The following USP20 variants were observed in gnomAD, a reference collection of about 807,000 sequenced individuals.
The protein encoded by USP20 is ubiquitin carboxyl-terminal hydrolase 20.
USP20 carries 80 observed loss-of-function variants against 124.2 expected under a neutral mutation model. That is an observed-to-expected ratio of 0.64 (90% CI 0.54 to 0.78). The LOEUF is 0.78. Among genes scored for constraint, USP20 ranks in the 30% least tolerant of loss-of-function variants. The pLI is 0.00. For missense variants in USP20, 1,043 were observed against 1,244.4 expected (o/e 0.84, Z 2.44); for synonymous variants, 481 against 512.3 (o/e 0.94, Z 0.83).
chr9:129,840,959 C>T (rs1294277977), intron 1 of USP20, among the ~76,000 whole-genome samples: 3 of 151,946 alleles, frequency 2.0e-5, no homozygotes, highest in South Asian at 2.1e-4. Flanking sequence ...TTAGTAGAGA[C>T]GGGGTTTCAC....
chr9:129,877,655 G>A (rs183424442), intron 22 of USP20, among the ~76,000 whole-genome samples: 57 of 152,056 alleles, frequency 3.7e-4, no homozygotes, highest in Non-Finnish European at 6.2e-4. Flanking sequence ...CCATGATTGC[G>A]CCGCTGCACT....
intron 7 of USP20, 29 bp downstream of exon 7, chr9:129,861,062 A>T (rs41279146): frequency 0.017 from 27,312 of 1,606,572 alleles, 300 homozygotes; most frequent in East Asian, 0.024. Flanking sequence ...GGGGAAGCTG[A>T]TGGGCTGGGC....
Position 129,839,625 on chromosome 9 carries a change from G to A in USP20, c.-129+4126G>A, listed in dbSNP as rs78948252. ...AGGGGGTGGGCACACACCCTGTGCG[G>A]GGCTGGGGGTGTGAGATGGCTAATG... On this transcript the variant is annotated intron_variant, in intron 1 of 25. Coordinates refer to ENST00000372429, the MANE Select transcript of USP20 (RefSeq NM_001110303.4). The surrounding 1 kb of genome is among the most constrained non-coding windows in gnomAD (Gnocchi z 4.5). Among the ~76,000 whole-genome samples, 782 of 152,196 alleles carry A rather than the reference G, an allele frequency of 5.1e-3. 6 individuals carry two copies. The highest frequency in any genetic ancestry group is 0.02 in the East Asian group (104 of 5,184).
chr9:129,869,960 G>A, intron 14 of USP20, 116 bp downstream of exon 14: 4 of 1,301,868 alleles, frequency 3.1e-6, no homozygotes, highest in Non-Finnish European at 4.3e-6. Context: ...GGTCCTGGGA[G>A]GAGCTGGGGG....
At chr9:129,851,310 A>T (rs1267945102) in intron 2 of USP20, among the ~76,000 whole-genome samples, 1 of 136,562 alleles carries the variant, frequency 7.3e-6, no homozygotes, top group African/African-American at 2.9e-5. Flanking sequence ...CCCAGGCTGG[A>T]GTGCAGTGGC....
In USP20 at chr9:129,852,004, G is replaced by T. The variant is rs2032947262; in HGVS notation, c.-16-536G>T. Reference sequence around the variant, plus strand: ...GGTGTTCAAACCTCACTCCGCAGGGGGCTCCCACAAGACGTGGGATAAGTG... The same window carrying T: ...GGTGTTCAAACCTCACTCCGCAGGGTGCTCCCACAAGACGTGGGATAAGTG... On this transcript the variant is annotated intron_variant, in intron 2 of 25. Transcript: ENST00000372429. Among the ~76,000 whole-genome samples, 7 of 152,278 alleles carry T rather than the reference G, an allele frequency of 4.6e-5. 1 individual carries two copies. In the South Asian group the frequency reaches 1.4e-3, roughly 32 times the overall value.
In USP20 at chr9:129,874,786, C is replaced by T. The variant is rs1228598559; in HGVS notation, c.1921+30C>T. 3.7e-6 allele frequency: 6 copies of T among 1,613,748 alleles called. No homozygotes were observed. The Admixed American group carries it at 1.0e-4, about 27-fold the overall frequency. On this transcript the variant is annotated intron_variant, in intron 18 of 25. Transcript: ENST00000372429. ...GTCATGTCCCCTCCCCTGCCGTCCC[C>T]ATCCGCTAGGATCCCTGTGACCCGT...
In USP20 at chr9:129,880,256, G is replaced by A. The variant is rs1377513306; in HGVS notation, c.2728G>A (p.Glu910Lys). 5.6e-6 allele frequency: 9 copies of A among 1,604,650 alleles called. No homozygotes were observed. In the South Asian group the frequency reaches 6.7e-5, roughly 12 times the overall value. Residue 910 changes from glutamate to lysine, a missense_variant, in exon 25 of 26, where the codon GAG becomes AAG. Transcript: ENST00000372429. ...NLHGEQKIEAETRAV is the reference protein window; with the variant it reads ...NLHGEQKIEAKTRAV ...GCACGGGGAGCAGAAGATCGAAGCC[G>A]AGACGCGGGCCGTGTGATCTGCTGG...
At chr9:129,853,981 C>T (rs928271988) in intron 3 of USP20, among the ~76,000 whole-genome samples, 1 of 122,670 alleles carries the variant, frequency 8.2e-6, no homozygotes, top group South Asian at 3.0e-4. Context: ...AAACCAACAC[C>T]GTTCTAAAAT....
At chr9:129,837,618 G>A (rs1000628194) in intron 1 of USP20, among the ~76,000 whole-genome samples, 2 of 152,234 alleles carry the variant, frequency 1.3e-5, no homozygotes, top group Admixed American at 6.5e-5. Flanking sequence ...TTGAGTGTAT[G>A]TTCTCACAGT....
chr9:129,875,176 G>T lies in USP20; in HGVS notation c.2049-134G>T, dbSNP rs77889264. Reference sequence around the variant, plus strand: ...TGGCGGCACAGGGGGCTGCTCACATGTCCAGGACCCGTGAAGGACCCAGGA... The same window carrying T: ...TGGCGGCACAGGGGGCTGCTCACATTTCCAGGACCCGTGAAGGACCCAGGA... On this transcript the variant is annotated intron_variant, in intron 19 of 25. Transcript: ENST00000372429. 2,012 of 1,251,476 alleles carry T rather than the reference G, an allele frequency of 1.6e-3. 28 individuals are homozygous for T. In the African/African-American group the frequency reaches 0.028, roughly 17 times the overall value. The allele number at this position is 1,251,476 out of a possible 1,614,324, so 77.5% of individuals were successfully genotyped here. A position where few individuals can be genotyped will look rare whatever the true frequency, so the allele number is the denominator to read the frequency against.
chr9:129,875,671 G>C (rs370357540), intron 21 of USP20, 30 bp downstream of exon 21: 3 of 1,605,764 alleles, frequency 1.9e-6, no homozygotes, highest in Admixed American at 3.3e-5. Context: ...ACTTGTCTCC[G>C]TCCTGTCCAG....
intron 1 of USP20, among the ~76,000 whole-genome samples, chr9:129,845,871 AT>A (rs2032508912): frequency 6.6e-6 from 1 of 152,020 alleles, no homozygotes; most frequent in Non-Finnish European, 1.5e-5. Flanking sequence ...CCTAAAACAC[AT>A]TATTTCACCA....
intron 2 of USP20, among the ~76,000 whole-genome samples, chr9:129,850,368 C>T (rs1403009332): frequency 6.6e-6 from 1 of 152,186 alleles, no homozygotes; most frequent in African/African-American, 2.4e-5. Flanking sequence ...TCCTATGAGA[C>T]CTTAGACAAG....
At chr9:129,859,653 G>A (rs551962556) in intron 6 of USP20, among the ~76,000 whole-genome samples, 4 of 152,224 alleles carry the variant, frequency 2.6e-5, no homozygotes, top group African/African-American at 9.6e-5. Context: ...GAACTTGGTA[G>A]ATATTTATGA....
At chr9:129,859,586 T>A (rs1415042861) in intron 6 of USP20, among the ~76,000 whole-genome samples, 1 of 152,076 alleles carries the variant, frequency 6.6e-6, no homozygotes, top group African/African-American at 2.4e-5. Context: ...TCCTTCTGTT[T>A]AGACAGTCAC....
intron 24 of USP20, 97 bp from the exon 25 acceptor site, chr9:129,880,016 G>A (rs866876456): frequency 5.4e-6 from 8 of 1,470,492 alleles, no homozygotes; most frequent in South Asian, 2.6e-5. Flanking sequence ...CCGTCTTCCC[G>A]CTTCGGGGCC....
chr9:129,878,544 G>A, intron 23 of USP20, 104 bp downstream of exon 23: 1 of 1,059,918 alleles, frequency 9.4e-7, no homozygotes, highest in Non-Finnish European at 1.3e-6. Flanking sequence ...CAGGCCCCAT[G>A]CCTGCCCCCA....
intron 1 of USP20, among the ~76,000 whole-genome samples, chr9:129,837,105 G>T (rs765594575): frequency 4.6e-5 from 7 of 152,224 alleles, no homozygotes; most frequent in Admixed American, 6.5e-5. Flanking sequence ...TGCTGTGGCA[G>T]ATCTAATTGA....
Sources: gnomAD v4.1 joint callset for allele counts (sites outside exome capture counted in the v4.1 genomes callset) on GRCh38, gnomAD v4.1.1 for gene constraint, Gnocchi (gnomAD v3.1) non-coding constraint, MANE v1.5 for transcripts, NCBI Gene and HGNC (gene_info 2026-07-23, HGNC 2026-07-21) for gene names.